The following COL4A1 variants were observed in gnomAD, a reference collection of about 807,000 sequenced individuals.
COL4A1 encodes the protein collagen alpha-1(IV) chain.
COL4A1 carries 40 observed loss-of-function variants against 216.6 expected under a neutral mutation model. The ratio of observed to expected loss-of-function variants is 0.18; its 90% CI spans 0.14 to 0.24. COL4A1 has a LOEUF of 0.24. COL4A1 is among the 10% of genes least tolerant of loss of function. The pLI is 1.00. For synonymous variants in COL4A1, 839 were observed against 810.7 expected (o/e 1.03, Z -0.59); for missense variants, 1,628 against 2,196.8 (o/e 0.74, Z 5.18).
intron 47 of COL4A1, among the ~76,000 whole-genome samples, chr13:110,162,904 G>A (rs1423657288): frequency 6.6e-6 from 1 of 152,240 alleles, no homozygotes; most frequent in African/African-American, 2.4e-5. Flanking sequence ...GCCTGCGTAT[G>A]GAAATGGAGC....
intron 2 of COL4A1, among the ~76,000 whole-genome samples, chr13:110,229,630 T>C (rs1044972704): frequency 1.5e-4 from 23 of 152,186 alleles, no homozygotes; most frequent in African/African-American, 5.3e-4. Context: ...ATGAGGCTCA[T>C]GAACAGAATT....
intron 14 of COL4A1, 74 bp downstream of exon 14, chr13:110,206,791 A>G: frequency 1.2e-6 from 2 of 1,608,674 alleles, no homozygotes; most frequent in Non-Finnish European, 1.7e-6. Context: ...ATTAAACTTA[A>G]GGTGAAAAAA....
At chr13:110,250,390 A>G (rs1282973698) in intron 1 of COL4A1, among the ~76,000 whole-genome samples, 1 of 152,166 alleles carries the variant, frequency 6.6e-6, no homozygotes, top group Non-Finnish European at 1.5e-5. Flanking sequence ...TGAGGAAATG[A>G]GGGTGTTTTC....
chr13:110,220,760 T>A (rs1267170170), intron 2 of COL4A1, among the ~76,000 whole-genome samples: 1 of 152,088 alleles, frequency 6.6e-6, no homozygotes, highest in African/African-American at 2.4e-5. Flanking sequence ...GTGTGAAGAA[T>A]GGGAGAGAAC....
rs1376754250 is a variant in COL4A1 at position 110,195,019 on chromosome 13, T to C, written c.1381+4A>G. On this transcript the variant is annotated splice_donor_region_variant and intron_variant, in intron 22 of 51. Transcript: ENST00000375820. Reference sequence around the variant, plus strand: ...ACCATTTTAAAAAAATCAAAATTTCTTACCTTTCTCTCCAATTTCGCCTAT... The same window carrying C: ...ACCATTTTAAAAAAATCAAAATTTCCTACCTTTCTCTCCAATTTCGCCTAT... 3 of 1,613,406 alleles carry C rather than the reference T, an allele frequency of 1.9e-6. No individual in the cohort carries two copies. In the East Asian group the frequency reaches 6.7e-5, roughly 36 times the overall value.
chr13:110,295,281 C>T (rs1243497643), intron 1 of COL4A1, among the ~76,000 whole-genome samples: 4 of 142,954 alleles, frequency 2.8e-5, no homozygotes, highest in African/African-American at 7.8e-5. Flanking sequence ...TTTTTTGAGA[C>T]GGAGTTTGTA....
intron 26 of COL4A1, among the ~76,000 whole-genome samples, chr13:110,186,130 C>T (rs1878393058): frequency 6.6e-6 from 1 of 152,160 alleles, no homozygotes; most frequent in South Asian, 2.1e-4. Context: ...TTAGCTGGTG[C>T]GTGCTGTGTA....
chr13:110,225,488 C>A (rs1341728014), intron 2 of COL4A1, among the ~76,000 whole-genome samples: 1 of 152,200 alleles, frequency 6.6e-6, no homozygotes, highest in East Asian at 1.9e-4. Context: ...GAGGCTGAGA[C>A]AGGAGAATCG....
chr13:110,188,469 G>T (rs1403793017), intron 24 of COL4A1, among the ~76,000 whole-genome samples: 1 of 152,194 alleles, frequency 6.6e-6, no homozygotes, highest in East Asian at 1.9e-4. Context: ...TAGCATCTCT[G>T]ACCCTTATTG....
Position 110,261,035 on chromosome 13 carries a change from T to TAAAAAAAAAAAAAAAAAAAAAAAA in COL4A1, c.85-18302_85-18301insTTTTTTTTTTTTTTTTTTTTTTTT, listed in dbSNP as rs1303970828. On this transcript the variant is annotated intron_variant, in intron 1 of 51. Transcript: ENST00000375820. Reference sequence around the variant, plus strand: ...CTGGGTGACAGAGCGAGACTCCGTCTCAAAAAAAAAAAAAAAAAAGGCCAA... The same window carrying TAAAAAAAAAAAAAAAAAAAAAAAA: ...CTGGGTGACAGAGCGAGACTCCGTCTAAAAAAAAAAAAAAAAAAAAAAAACAAAAAAAAAAAAAAAAAAGGCCAA... Among the ~76,000 whole-genome samples the TAAAAAAAAAAAAAAAAAAAAAAAA allele has an allele frequency of 4.7e-5, 2 of 42,178 alleles. 1 individual carries two copies. The allele number at this position is 42,178 out of a possible 152,430, so 27.7% of individuals were successfully genotyped here.
chr13:110,164,814 G>A (rs1877258720), intron 46 of COL4A1, 48 bp downstream of exon 46: 8 of 1,604,592 alleles, frequency 5.0e-6, no homozygotes, highest in Non-Finnish European at 6.0e-6. Context: ...TCTGACCACT[G>A]CCCCTCTGGG....
intron 2 of COL4A1, among the ~76,000 whole-genome samples, chr13:110,242,383 C>A (rs1244627737): frequency 6.6e-6 from 1 of 152,072 alleles, no homozygotes; most frequent in Non-Finnish European, 1.5e-5. Context: ...CGAAAAAGTA[C>A]GATAGATTCA....
intron 2 of COL4A1, among the ~76,000 whole-genome samples, chr13:110,231,851 G>A (rs1881080955): frequency 6.6e-6 from 1 of 152,216 alleles, no homozygotes; most frequent in African/African-American, 2.4e-5. Context: ...TTAGGGTTGT[G>A]GATTTCTCAC....
chr13:110,233,507 C>G lies in COL4A1; in HGVS notation c.144+9168G>C, dbSNP rs549715971. 8.7e-4 allele frequency among the ~76,000 whole-genome samples: 132 copies of G among 152,184 alleles called. 1 individual carries two copies. Among genetic ancestry groups the G allele is most frequent in the African/African-American group, 3.1e-3 (127 of 41,526 alleles). On this transcript the variant is annotated intron_variant, in intron 2 of 51. Coordinates refer to ENST00000375820, the MANE Select transcript of COL4A1 (RefSeq NM_001845.6). ...AACGAAGTGATATCTCACGCATGTT[C>G]CCCTTTGAATAATAGCTAGACCAAG...
chr13:110,259,097 G>A (rs777961729), intron 1 of COL4A1, among the ~76,000 whole-genome samples: 1 of 152,182 alleles, frequency 6.6e-6, no homozygotes. Flanking sequence ...TGACGCGTGC[G>A]CCCTTTGCTC....
At chr13:110,206,426 T>C (rs1156796038) in intron 15 of COL4A1, among the ~76,000 whole-genome samples, 1 of 152,210 alleles carries the variant, frequency 6.6e-6, no homozygotes, top group Non-Finnish European at 1.5e-5. Context: ...GAAGCCTCTC[T>C]GAACAGCCGG....
intron 1 of COL4A1, among the ~76,000 whole-genome samples, chr13:110,288,943 A>G (rs2139309083): frequency 6.6e-6 from 1 of 152,242 alleles, no homozygotes; most frequent in African/African-American, 2.4e-5. Context: ...GAGGCAGGAG[A>G]ATTGCTTGAA....
chr13:110,246,020 C>A (rs1284280234), intron 1 of COL4A1, among the ~76,000 whole-genome samples: 1 of 151,784 alleles, frequency 6.6e-6, no homozygotes, highest in East Asian at 1.9e-4. Flanking sequence ...ATTATCAATT[C>A]TAAAAAATTG....
intron 1 of COL4A1, among the ~76,000 whole-genome samples, chr13:110,261,835 C>A (rs1315147273): frequency 2.0e-5 from 3 of 152,216 alleles, no homozygotes; most frequent in Non-Finnish European, 4.4e-5. Context: ...GCCACTTGTT[C>A]ATTCAGAGCT....
Sources: gnomAD v4.1 joint callset for allele counts (sites outside exome capture counted in the v4.1 genomes callset) on GRCh38, gnomAD v4.1.1 for gene constraint, MANE v1.5 for transcripts, NCBI Gene and HGNC (gene_info 2026-07-23, HGNC 2026-07-21) for gene names.